The following ZNF584 variants were observed in gnomAD, a reference collection of about 807,000 sequenced individuals.
ZNF584 encodes the protein zinc finger protein 584.
Under a neutral mutation model 14.7 loss-of-function variants are expected in ZNF584, and 12 were observed. The observed-to-expected ratio is 0.82, with a 90% CI of 0.52 to 1.32. The LOEUF is 1.32. ZNF584 is among the 40% of genes most tolerant of loss of function. The pLI, the probability that ZNF584 is intolerant of heterozygous loss-of-function variation, is 0.00. For synonymous variants in ZNF584, 204 were observed against 190.9 expected, an observed-to-expected ratio of 1.07 and a Z score of -0.57; for missense variants, 478 against 518.8, an observed-to-expected ratio of 0.92 and a Z score of 0.76.
Position 58,409,928 on chromosome 19 carries a change from CATT to C in ZNF584, c.19-12_19-10del. ...ATTTTGGTTGTTTTTTTCTGCCCAT[CATT>C]GACCCCAAGGCTCAGTTGGACCCAT... is the stretch of plus-strand genomic sequence containing the variant. On this transcript the variant is annotated splice_polypyrimidine_tract_variant and intron_variant, in intron 1 of 3. Transcript: ENST00000306910. 1 of 1,614,026 alleles carries C rather than the reference CATT, an allele frequency of 6.2e-7. No individual in the cohort carries two copies. The highest frequency in any genetic ancestry group is 2.2e-5 in the East Asian group (1 of 44,880).
chr19:58,402,459 T>C (rs953101813), intron 1 of ZNF584, among the ~76,000 whole-genome samples: 1 of 152,258 alleles, frequency 6.6e-6, no homozygotes, highest in African/African-American at 2.4e-5. Context: ...AGACATCTAC[T>C]TGTTCTTTCA....
chr19:58,418,327 AT>A (rs1312984888), downstream of ZNF584: 14 of 148,904 alleles, frequency 9.4e-5, no homozygotes, highest in South Asian at 2.1e-4. Flanking sequence ...GCCGCTTAAA[AT>A]TTTTTTTTTA....
upstream of ZNF584, chr19:58,408,237 C>G (rs964846201): frequency 6.6e-6 from 1 of 152,346 alleles, no homozygotes; most frequent in African/African-American, 2.4e-5. Context: ...CGGTTGCGGG[C>G]ACAGGCGGGC....
At chr19:58,404,102 T>C (rs538628718), upstream of ZNF584, 1 of 152,414 alleles carries the variant, frequency 6.6e-6, no homozygotes, top group Admixed American at 6.5e-5. Context: ...AATCAAACTG[T>C]AGCACTGCCT....
At chr19:58,411,236 A>G (rs1798867875) in intron 2 of ZNF584, among the ~76,000 whole-genome samples, 1 of 152,020 alleles carries the variant, frequency 6.6e-6, no homozygotes, top group Admixed American at 6.6e-5. Context: ...GTTTATTAAG[A>G]AAAGTCATGG....
Position 58,410,066 on chromosome 19 carries a change from G to A in ZNF584, c.144G>A (p.Glu48=), listed in dbSNP as rs1226868713. Residue 48 remains glutamate, a synonymous_variant, in exon 2 of 4, where the codon GAG becomes GAA. Coordinates refer to ENST00000306910, the MANE Select transcript of ZNF584 (RefSeq NM_173548.3). ...QKGLYRDVML[E]NFALVSSLGL... is the part of the protein sequence containing the mutation. ...GCCTATACCGGGATGTGATGCTGGA[G>A]AACTTTGCACTCGTTAGCTCACTGG... 7.4e-6 allele frequency: 12 copies of A among 1,613,018 alleles called. No homozygotes were observed. The highest frequency in any genetic ancestry group is 9.3e-6 in the Non-Finnish European group (11 of 1,179,524).
intron 2 of ZNF584, among the ~76,000 whole-genome samples, chr19:58,415,181 C>T (rs1308310901): frequency 1.3e-5 from 2 of 152,092 alleles, no homozygotes; most frequent in East Asian, 1.9e-4. Flanking sequence ...GCGTGAGCCA[C>T]TGCGCCCGGC....
In ZNF584 at chr19:58,409,136, C is replaced by A; in HGVS notation, c.-12C>A. 1.4e-6 allele frequency: 2 copies of A among 1,452,672 alleles called. No individual in the cohort carries two copies. Among genetic ancestry groups the A allele is most frequent in the Admixed American group, 5.3e-5 (2 of 37,842 alleles). 90.0% of individuals were successfully genotyped at this position (1,452,672 alleles called of 1,614,324 possible). On this transcript the variant is annotated 5_prime_UTR_variant, in exon 1 of 4. Transcript: ENST00000306910. ...CGTGGGTCCAGTCCACGGGTTCTGC[C>A]CGCACGGTCCAATGGCCGGGGAGGC...
At position 58,408,791 on chromosome 19, in the gene ZNF584, A is replaced by C; in HGVS notation, c.-357A>C. ...CGGCAGTCCGCAGTCCTCGGCGGGA[A>C]GGCTGTCCCGGCGCCTCAGGCAGCT... On this transcript the variant is annotated 5_prime_UTR_variant, in exon 1 of 4. Coordinates refer to ENST00000306910, the MANE Select transcript of ZNF584 (RefSeq NM_173548.3). 3.6e-5 allele frequency: 8 copies of C among 223,856 alleles called. No homozygotes were observed. Among genetic ancestry groups the C allele is most frequent in the East Asian group, 8.7e-5 (1 of 11,534 alleles). The allele number at this position is 223,856 out of a possible 1,614,324, so 13.9% of individuals were successfully genotyped here.
upstream of ZNF584, among the ~76,000 whole-genome samples, chr19:58,403,874 C>T (rs562057985): frequency 2.1e-5 from 3 of 145,768 alleles, no homozygotes; most frequent in South Asian, 6.4e-4. Flanking sequence ...GAGGCTGAGA[C>T]AGAATTGCTT....
chr19:58,412,334 C>G (rs963823426), intron 2 of ZNF584, among the ~76,000 whole-genome samples: 1 of 151,148 alleles, frequency 6.6e-6, no homozygotes. Flanking sequence ...CTCAGCCTCC[C>G]GAGTAGCTGG....
upstream of ZNF584, chr19:58,408,617 C>G (rs1422031470): frequency 6.5e-6 from 1 of 153,008 alleles, no homozygotes; most frequent in Non-Finnish European, 1.5e-5. Context: ...GTTCACGTCC[C>G]GCTTCAGGAG....
intron 3 of ZNF584, chr19:58,416,590 T>A (rs2052645420): frequency 2.4e-6 from 1 of 414,248 alleles, no homozygotes; most frequent in Non-Finnish European, 4.2e-6. Flanking sequence ...TTAGAAGAGA[T>A]GGGGTTTCGT....
intron 2 of ZNF584, among the ~76,000 whole-genome samples, chr19:58,410,518 AATATATATATATATATATATATATATAT>A (rs1156543028): frequency 3.9e-5 from 3 of 77,190 alleles, no homozygotes; most frequent in South Asian, 5.0e-4. Context: ...CGGTTTGGGA[AATATATATATATATATATATATATATAT>A]ATATATATAT....
chr19:58,411,945 G>A (rs964211203), intron 2 of ZNF584, among the ~76,000 whole-genome samples: 2 of 149,756 alleles, frequency 1.3e-5, no homozygotes, highest in African/African-American at 4.9e-5. Flanking sequence ...TGCATTACTG[G>A]GATAAATTCC....
chr19:58,415,874 CTGTGCAGAGCTGTCTACTGT>C (rs1568588326), intron 3 of ZNF584: 1 of 1,599,386 alleles, frequency 6.3e-7, no homozygotes, highest in East Asian at 2.2e-5. Flanking sequence ...TTCTCTGTAT[CTGTGCAGAGCTGTCTACTGT>C]TGGCGACTCA....
intron 2 of ZNF584, among the ~76,000 whole-genome samples, chr19:58,411,524 C>T (rs2052572047): frequency 1.0e-5 from 1 of 96,500 alleles, no homozygotes; most frequent in Non-Finnish European, 2.0e-5. Context: ...GAAACTACGT[C>T]TCAAAAAAAA....
At position 58,410,593 on chromosome 19, in the gene ZNF584, G is replaced by GTATATATGTA. The variant is rs1568584570; in HGVS notation, c.169+509_169+510insGTATATATAT. On this transcript the variant is annotated intron_variant, in intron 2 of 3. Coordinates refer to ENST00000306910, the MANE Select transcript of ZNF584 (RefSeq NM_173548.3). Reference sequence around the variant, plus strand: ...TATATGTATATATATGTATATATATGTATATATATGTATATATATGTGTAT... The same window carrying GTATATATGTA: ...TATATGTATATATATGTATATATATGTATATATGTATATATATATGTATATATATGTGTAT... Among the ~76,000 whole-genome samples the GTATATATGTA allele has an allele frequency of 9.1e-4, 30 of 32,882 alleles. 5 individuals carry two copies. The highest frequency in any genetic ancestry group is 9.1e-3 in the African/African-American group (29 of 3,198). 21.6% of individuals were successfully genotyped at this position (32,882 alleles called of 152,430 possible).
chr19:58,402,635 C>G (rs888872526), intron 1 of ZNF584, among the ~76,000 whole-genome samples: 1 of 151,804 alleles, frequency 6.6e-6, no homozygotes, highest in Non-Finnish European at 1.5e-5. Flanking sequence ...CCAGCCTGAC[C>G]AACATGGAGA....
Sources: gnomAD v4.1 joint callset for allele counts (sites outside exome capture counted in the v4.1 genomes callset) on GRCh38, gnomAD v4.1.1 for gene constraint, MANE v1.5 for transcripts, NCBI Gene and HGNC (gene_info 2026-07-23, HGNC 2026-07-21) for gene names.